The following SEC14L1 variants were observed in gnomAD, a reference collection of about 807,000 sequenced individuals.
SEC14L1 encodes the protein SEC14 like lipid binding 1, also known as SEC14-like protein 1.
SEC14L1 carries 48 observed loss-of-function variants against 85.3 expected under a neutral mutation model. The observed-to-expected ratio is 0.56, with a 90% CI of 0.45 to 0.72. The LOEUF (loss-of-function observed/expected upper bound fraction) is 0.72. SEC14L1 is among the 30% of genes least tolerant of loss of function. SEC14L1 has a pLI of 0.00. For missense variants in SEC14L1, 682 were observed against 921.4 expected, an observed-to-expected ratio of 0.74 and a Z score of 3.36; for synonymous variants, 391 against 355.5, an observed-to-expected ratio of 1.10 and a Z score of -1.12.
chr17:77,103,144 C>G (rs1213372843), intron 3 of SEC14L1, among the ~76,000 whole-genome samples: 2 of 151,434 alleles, frequency 1.3e-5, no homozygotes, highest in Non-Finnish European at 2.9e-5. Context: ...AGGGAGTCTT[C>G]CTCTGTAGTC....
intron 3 of SEC14L1, among the ~76,000 whole-genome samples, chr17:77,164,620 C>T (rs761482377): frequency 5.1e-4 from 78 of 152,144 alleles, no homozygotes; most frequent in Non-Finnish European, 1.0e-3. Flanking sequence ...TATGCCTCCC[C>T]GGTTTGTGTC....
intron 3 of SEC14L1, among the ~76,000 whole-genome samples, chr17:77,119,191 T>A (rs1972242328): frequency 6.6e-6 from 1 of 151,420 alleles, no homozygotes; most frequent in African/African-American, 2.4e-5. Context: ...GCCTCTAATC[T>A]CAGCTACTTG....
At chr17:77,192,532 G>A (rs927495813) in intron 5 of SEC14L1, among the ~76,000 whole-genome samples, 1 of 152,112 alleles carries the variant, frequency 6.6e-6, no homozygotes, top group Non-Finnish European at 1.5e-5. Context: ...TGGCTCCAAG[G>A]TGCTCGCTGT....
chr17:77,105,666 G>T (rs1240889172), intron 3 of SEC14L1, among the ~76,000 whole-genome samples: 1 of 152,160 alleles, frequency 6.6e-6, no homozygotes. Flanking sequence ...CAGGAGAAAA[G>T]ACTTTTAAAC....
chr17:77,134,533 A>G (rs1389819287), intron 3 of SEC14L1, among the ~76,000 whole-genome samples: 1 of 152,124 alleles, frequency 6.6e-6, no homozygotes, highest in Non-Finnish European at 1.5e-5. Context: ...CCTGGCCAAC[A>G]TGGTGAAACC....
At chr17:77,102,734 C>T (rs1213905406) in intron 3 of SEC14L1, among the ~76,000 whole-genome samples, 1 of 152,112 alleles carries the variant, frequency 6.6e-6, no homozygotes, top group Non-Finnish European at 1.5e-5. Flanking sequence ...AAGCTCCTGA[C>T]TTCAGGTGAT....
At chr17:77,099,244 C>T (rs914414073) in intron 3 of SEC14L1, 2 of 152,172 alleles carry the variant, frequency 1.3e-5, no homozygotes, top group African/African-American at 4.8e-5. Context: ...AATGACAAAT[C>T]CCTTTTAACA....
intron 8 of SEC14L1, among the ~76,000 whole-genome samples, chr17:77,197,447 T>G (rs1975872833): frequency 6.6e-6 from 1 of 152,212 alleles, no homozygotes; most frequent in South Asian, 2.1e-4. Flanking sequence ...TTTTTTGTAT[T>G]CTTTTTCTTT....
intron 3 of SEC14L1, among the ~76,000 whole-genome samples, chr17:77,186,376 C>T (rs1231505787): frequency 6.6e-6 from 1 of 152,244 alleles, no homozygotes; most frequent in Non-Finnish European, 1.5e-5. Context: ...GACCCTGGCA[C>T]GCTTTGAGGC....
At chr17:77,136,873 T>G (rs998378743), upstream of SEC14L1, among the ~76,000 whole-genome samples, 4 of 152,120 alleles carry the variant, frequency 2.6e-5, no homozygotes, top group East Asian at 7.7e-4. Context: ...AAAGTTTAAT[T>G]GGCATTCTTA....
At chr17:77,115,916 CT>C (rs377514435) in intron 3 of SEC14L1, among the ~76,000 whole-genome samples, 41,761 of 144,294 alleles carry the variant, frequency 0.29, 6,179 homozygotes, top group Non-Finnish European at 0.35. Flanking sequence ...TTTGACTCTC[CT>C]TTTTTTTTTT....
chr17:77,209,488 G>A lies in SEC14L1; in HGVS notation c.1611+12G>A, dbSNP rs557149825. Reference sequence around the variant, plus strand: ...GAGCCCCACATGAGGTACGTCCTCCGCCTTCCTGCACCTGGGCCGGCCCTT... The same window carrying A: ...GAGCCCCACATGAGGTACGTCCTCCACCTTCCTGCACCTGGGCCGGCCCTT... On this transcript the variant is annotated intron_variant, in intron 14 of 16. Coordinates refer to ENST00000436233, the MANE Select transcript of SEC14L1 (RefSeq NM_001143998.2). The A allele has an allele frequency of 7.1e-5, 115 of 1,612,578 alleles. No homozygotes were observed. In the South Asian group the frequency reaches 9.8e-4, roughly 14 times the overall value.
chr17:77,108,387 G>C (rs1273248050), intron 3 of SEC14L1, among the ~76,000 whole-genome samples: 3 of 152,120 alleles, frequency 2.0e-5, no homozygotes, highest in Admixed American at 1.3e-4. Flanking sequence ...GTTCGTGTGG[G>C]TTCTTCCCAC....
chr17:77,145,101 G>GTGTA (rs1555619645), intron 3 of SEC14L1: 1 of 52,482 alleles, frequency 1.9e-5, no homozygotes, highest in Non-Finnish European at 3.5e-5. Context: ...GTGTATGTAT[G>GTGTA]TGTGTGTGTG....
At chr17:77,188,475 A>G (rs573702289) in intron 3 of SEC14L1, among the ~76,000 whole-genome samples, 12 of 150,912 alleles carry the variant, frequency 8.0e-5, no homozygotes, top group Non-Finnish European at 1.6e-4. Context: ...ACCTGGATCA[A>G]TAGTTCATTC....
intron 3 of SEC14L1, among the ~76,000 whole-genome samples, chr17:77,096,274 A>G (rs180785014): frequency 6.6e-6 from 1 of 151,608 alleles, no homozygotes; most frequent in East Asian, 1.9e-4. Context: ...AAAAATCACT[A>G]TGAGGCTGGG....
chr17:77,108,635 A>AG (rs1191520480), intron 3 of SEC14L1, among the ~76,000 whole-genome samples: 9 of 151,902 alleles, frequency 5.9e-5, no homozygotes, highest in Non-Finnish European at 5.9e-5. Context: ...GCTACTCAGG[A>AG]GGCTGAGGCA....
Position 77,215,474 on chromosome 17 carries a change from G to A in SEC14L1, c.*1451G>A, listed in dbSNP as rs1376998340. The A allele has an allele frequency of 2.0e-5, 20 of 985,666 alleles. No individual in the cohort carries two copies. Among genetic ancestry groups the A allele is most frequent in the Non-Finnish European group, 2.4e-5 (20 of 830,164 alleles). The allele number at this position is 985,666 out of a possible 1,614,324, so 61.1% of individuals were successfully genotyped here. On this transcript the variant is annotated 3_prime_UTR_variant, in exon 17 of 17. Transcript: ENST00000436233. The stretch of plus-strand genomic sequence containing the variant: ...CTCAGCTCCGCTCTGAAGGCACTGT[G>A]TGGGTGCTGCGTGACTGGAGAGCTG...
At chr17:77,126,902 TACC>T (rs1972463127) in intron 3 of SEC14L1, among the ~76,000 whole-genome samples, 1 of 152,118 alleles carries the variant, frequency 6.6e-6, no homozygotes, top group South Asian at 2.1e-4. Flanking sequence ...ACGAGGCTGA[TACC>T]ACTGCCGGGA....
Sources: gnomAD v4.1 joint callset for allele counts (sites outside exome capture counted in the v4.1 genomes callset) on GRCh38, gnomAD v4.1.1 for gene constraint, MANE v1.5 for transcripts, NCBI Gene and HGNC (gene_info 2026-07-23, HGNC 2026-07-21) for gene names.